KRTAP2-3: variants seen among roughly 807,000 people sequenced by gnomAD.
KRTAP2-3 encodes the protein keratin associated protein 2-3.
Under a neutral mutation model 11.2 loss-of-function variants are expected in KRTAP2-3, and 9 were observed. The observed-to-expected ratio is 0.80, with a 90% CI of 0.48 to 1.40. The LOEUF (loss-of-function observed/expected upper bound fraction) is 1.40. Ranked by LOEUF, KRTAP2-3 falls within the 40% of genes most tolerant of loss-of-function variation. The probability of loss-of-function intolerance (pLI) is 0.00; values close to 1 mark genes in which losing one functional copy is unlikely to be tolerated. For missense variants in KRTAP2-3, 93 were observed against 176.8 expected, an observed-to-expected ratio of 0.53 and a Z score of 2.69; for synonymous variants, 45 against 76.2, an observed-to-expected ratio of 0.59 and a Z score of 2.13.
rs1190233335 is a variant in KRTAP2-3 at position 41,059,604 on chromosome 17, G to A, written c.*60C>T. 1 of 1,536,386 alleles carries A rather than the reference G, an allele frequency of 6.5e-7. No homozygotes were observed. The highest frequency in any genetic ancestry group is 8.8e-7 in the Non-Finnish European group (1 of 1,138,074). ...CATCTGATCCAGAAGGGGTAGAAGA[G>A]TCTGCACAAGCTTCTGTGCACCTGG... On this transcript the variant is annotated 3_prime_UTR_variant, in exon 1 of 1. Coordinates refer to ENST00000391418, the MANE Select transcript of KRTAP2-3 (RefSeq NM_001165252.2).
At position 41,060,006 on chromosome 17, in the gene KRTAP2-3, G is replaced by A. The variant is rs1188150817; in HGVS notation, c.45C>T (p.Tyr15=). 4 of 1,532,410 alleles carry A rather than the reference G, an allele frequency of 2.6e-6. No homozygotes were observed. The East Asian group carries it at 7.3e-5, about 28-fold the overall frequency. 94.9% of individuals were successfully genotyped at this position (1,532,410 alleles called of 1,614,324 possible). A position where few individuals can be genotyped will look rare whatever the true frequency, so the allele number is the denominator to read the frequency against. ...AGCAGGGCTGGCAGCAGCCTCCCCCGTAGCTCAGGGAGGACAAGGTGGAGC... is the reference window on the plus strand; with the variant it reads ...AGCAGGGCTGGCAGCAGCCTCCCCCATAGCTCAGGGAGGACAAGGTGGAGC... ...CCGSTLSSLS[Y]GGGCCQPCCC... is the part of the protein sequence containing the mutation. Residue 15 remains tyrosine (Y), a synonymous_variant, in exon 1 of 1, where the codon TAC becomes TAT. Coordinates refer to ENST00000391418, the MANE Select transcript of KRTAP2-3 (RefSeq NM_001165252.2).
Position 41,059,661 on chromosome 17 carries a change from G to A in KRTAP2-3, c.*3C>T. On this transcript the variant is annotated 3_prime_UTR_variant, in exon 1 of 1. Transcript: ENST00000391418. Reference sequence around the variant, plus strand: ...TTCGTGCGTTGAGAGGAGAGGTGGGGTCTCAGCAGGAGGAGGTCCTGCAGG... The same window carrying A: ...TTCGTGCGTTGAGAGGAGAGGTGGGATCTCAGCAGGAGGAGGTCCTGCAGG... 2 of 1,553,642 alleles carry A rather than the reference G, an allele frequency of 1.3e-6. No individual in the cohort carries two copies. The highest frequency in any genetic ancestry group is 1.4e-5 in the African/African-American group (1 of 73,562).
rs1175369553 is a variant in KRTAP2-3, at chr17:41,059,743, G to A, written c.308C>T (p.Ser103Phe). 6.4e-7 allele frequency: 1 copy of A among 1,552,410 alleles called. No homozygotes were observed. The highest frequency in any genetic ancestry group is 8.7e-7 in the Non-Finnish European group (1 of 1,148,498). Reference protein sequence around the residue: ...CWATTCCQPVSVQSPCCRPPC... With the variant: ...CWATTCCQPVFVQSPCCRPPC... The stretch of plus-strand genomic sequence containing the variant: ...AGGCCGGCAGCAGGGGGACTGCACA[G>A]ACACAGGCTGGCAGCAGGTGGTGGC... The change falls in exon 1 of 1, where the codon TCT (serine) becomes TTT (phenylalanine). Residue 103 changes from serine to phenylalanine, a missense_variant. Transcript: ENST00000391418.
Position 41,059,992 on chromosome 17 carries a change from C to A in KRTAP2-3, c.59G>T (p.Cys20Phe). The A allele has an allele frequency of 6.5e-7, 1 of 1,531,538 alleles. No homozygotes were observed. The allele number at this position is 1,531,538 out of a possible 1,614,324, so 94.9% of individuals were successfully genotyped here. A position where few individuals can be genotyped will look rare whatever the true frequency, so the allele number is the denominator to read the frequency against. ...LSSLSYGGGC[C>F]QPCCCRDPCC... Reference sequence around the variant, plus strand: ...GGGGTCGCGGCAGCAGCAGGGCTGGCAGCAGCCTCCCCCGTAGCTCAGGGA... The same window carrying A: ...GGGGTCGCGGCAGCAGCAGGGCTGGAAGCAGCCTCCCCCGTAGCTCAGGGA... The change falls in exon 1 of 1, where the codon TGC becomes TTC. Residue 20 changes from cysteine to phenylalanine, a missense_variant. Physicochemically the swap from Cys to Phe is radical, Grantham distance 205. Transcript: ENST00000391418.
chr17:41,059,978 A>G lies in KRTAP2-3; in HGVS notation c.73T>C (p.Cys25Arg). Reference sequence around the variant, plus strand: ...GGGCGGCAGCAGCAGGGGTCGCGGCAGCAGCAGGGCTGGCAGCAGCCTCCC... The same window carrying G: ...GGGCGGCAGCAGCAGGGGTCGCGGCGGCAGCAGGGCTGGCAGCAGCCTCCC... ...YGGGCCQPCC[C>R]RDPCCCRPVT... Residue 25 changes from cysteine (C) to arginine (R), a missense_variant, in exon 1 of 1, where the codon TGC becomes CGC. Cys to Arg is a radical substitution (Grantham distance 180). Coordinates refer to ENST00000391418, the MANE Select transcript of KRTAP2-3 (RefSeq NM_001165252.2). 6.5e-7 allele frequency: 1 copy of G among 1,529,876 alleles called. No homozygotes were observed. The highest frequency in any genetic ancestry group is 8.7e-7 in the Non-Finnish European group (1 of 1,143,750). The allele number at this position is 1,529,876 out of a possible 1,614,324, so 94.8% of individuals were successfully genotyped here. A position where few individuals can be genotyped will look rare whatever the true frequency, so the allele number is the denominator to read the frequency against.
Position 41,059,836 on chromosome 17 carries a change from C to T in KRTAP2-3, c.215G>A (p.Gly72Asp). Residue 72 changes from glycine to aspartate, a missense_variant, in exon 1 of 1, where the codon GGC (glycine) becomes GAC (aspartate). By Grantham distance (94) the Gly-to-Asp change is moderately conservative. Transcript: ENST00000391418. ...VCCDPCSLQE[G>D]CCRPITCCPS... is the part of the protein sequence containing the mutation. ...GCAGCAGGTGATGGGGCGGCAGCAG[C>T]CTTCCTGCAGGGAGCAGGGGTCGCA... The T allele has an allele frequency of 6.5e-7, 1 of 1,531,968 alleles. No individual in the cohort carries two copies. 94.9% of individuals were successfully genotyped at this position (1,531,968 alleles called of 1,614,324 possible).
Position 41,059,684 on chromosome 17 carries a change from A to G in KRTAP2-3, c.367T>C (p.Cys123Arg). Residue 123 changes from cysteine (C) to arginine (R), a missense_variant, in exon 1 of 1, where the codon TGC (cysteine) becomes CGC (arginine). Cys to Arg is a radical substitution (Grantham distance 180). Coordinates refer to ENST00000391418, the MANE Select transcript of KRTAP2-3 (RefSeq NM_001165252.2). Reference sequence around the variant, plus strand: ...GGGTCTCAGCAGGAGGAGGTCCTGCAGGTGGTGCTGCAAGGGGTCGGCTGG... The same window carrying G: ...GGGTCTCAGCAGGAGGAGGTCCTGCGGGTGGTGCTGCAAGGGGTCGGCTGG... The part of the protein sequence containing the change: ...CGQPTPCSTT[C>R]RTSSC The G allele has an allele frequency of 6.4e-7, 1 of 1,557,192 alleles. No homozygotes were observed. The highest frequency in any genetic ancestry group is 8.7e-7 in the Non-Finnish European group (1 of 1,149,870).
At position 41,059,797 on chromosome 17, in the gene KRTAP2-3, G is replaced by A. The variant is rs2013146939; in HGVS notation, c.254C>T (p.Thr85Met). 4.5e-6 allele frequency: 7 copies of A among 1,542,332 alleles called. No homozygotes were observed. In the Admixed American group the frequency reaches 1.2e-4, roughly 26 times the overall value. The stretch of plus-strand genomic sequence containing the variant: ...GCAGCAGGGCCTGCACACCACAGCC[G>A]TGCACGACGAGGGGCAGCAGGTGAT... The part of the protein sequence containing the change: ...RPITCCPSSC[T>M]AVVCRPCCWA... Residue 85 changes from threonine to methionine, a missense_variant, in exon 1 of 1, where the codon ACG becomes ATG. By Grantham distance (81) the Thr-to-Met change is moderately conservative. Coordinates refer to ENST00000391418, the MANE Select transcript of KRTAP2-3 (RefSeq NM_001165252.2).
At position 41,059,539 on chromosome 17, in the gene KRTAP2-3, C is replaced by G. The variant is rs2013140899; in HGVS notation, c.*125G>C. 1.4e-6 allele frequency: 2 copies of G among 1,408,278 alleles called. No individual in the cohort carries two copies. The highest frequency in any genetic ancestry group is 9.5e-7 in the Non-Finnish European group (1 of 1,057,270). 87.2% of individuals were successfully genotyped at this position (1,408,278 alleles called of 1,614,324 possible). ...ATAGATAGGATGTTATTGTTGAATT[C>G]GTGCTTGAGGATCAGCTAGGCTGCA... On this transcript the variant is annotated 3_prime_UTR_variant, in exon 1 of 1. Transcript: ENST00000391418.
rs924844993 is a variant in KRTAP2-3 at position 41,059,509 on chromosome 17, G to A, written c.*155C>T. 1.6e-6 allele frequency: 2 copies of A among 1,271,132 alleles called. No homozygotes were observed. Among genetic ancestry groups the A allele is most frequent in the Non-Finnish European group, 2.1e-6 (2 of 946,352 alleles). The allele number at this position is 1,271,132 out of a possible 1,614,324, so 78.7% of individuals were successfully genotyped here. On this transcript the variant is annotated 3_prime_UTR_variant, in exon 1 of 1. Coordinates refer to ENST00000391418, the MANE Select transcript of KRTAP2-3 (RefSeq NM_001165252.2). ...CCAGGATTAGCTGCATAATTATGTG[G>A]GGAAATAGATAGGATGTTATTGTTG... is the stretch of plus-strand genomic sequence containing the variant.
chr17:41,059,289 C>T lies in KRTAP2-3; in HGVS notation c.*375G>A, dbSNP rs562665904. On this transcript the variant is annotated 3_prime_UTR_variant, in exon 1 of 1. Coordinates refer to ENST00000391418, the MANE Select transcript of KRTAP2-3 (RefSeq NM_001165252.2). ...TATTTTTTTTTACAGTGCAAAAATA[C>T]AGCATACAAATAGTATTATCCTGGA... 1.6e-5 allele frequency: 4 copies of T among 249,620 alleles called. No individual in the cohort carries two copies. The South Asian group carries it at 6.3e-4, about 39-fold the overall frequency. 15.5% of individuals were successfully genotyped at this position (249,620 alleles called of 1,614,324 possible).
chr17:41,059,497 C>T lies in KRTAP2-3; in HGVS notation c.*167G>A. ...TGTCAGAGAGGGCCAGGATTAGCTG[C>T]ATAATTATGTGGGGAAATAGATAGG... On this transcript the variant is annotated 3_prime_UTR_variant, in exon 1 of 1. Coordinates refer to ENST00000391418, the MANE Select transcript of KRTAP2-3 (RefSeq NM_001165252.2). 1 of 1,206,794 alleles carries T rather than the reference C, an allele frequency of 8.3e-7. No individual in the cohort carries two copies. The highest frequency in any genetic ancestry group is 1.8e-5 in the South Asian group (1 of 56,880). 74.8% of individuals were successfully genotyped at this position (1,206,794 alleles called of 1,614,324 possible).
In KRTAP2-3 at chr17:41,059,454, T is replaced by G; in HGVS notation, c.*210A>C. The G allele has an allele frequency of 1.1e-6, 1 of 888,200 alleles. No homozygotes were observed. Among genetic ancestry groups the G allele is most frequent in the East Asian group, 2.9e-5 (1 of 34,562 alleles). The allele number at this position is 888,200 out of a possible 1,614,324, so 55.0% of individuals were successfully genotyped here. The stretch of plus-strand genomic sequence containing the variant: ...AGCCAGGAATTCGAATGATGAAAGC[T>G]GGAATTTTTCTCAAGATTGTCAGAG... On this transcript the variant is annotated 3_prime_UTR_variant, in exon 1 of 1. Transcript: ENST00000391418.
chr17:41,059,901 G>A lies in KRTAP2-3; in HGVS notation c.150C>T (p.Cys50=), dbSNP rs2013150452. 1 of 1,506,612 alleles carries A rather than the reference G, an allele frequency of 6.6e-7. No individual in the cohort carries two copies. The highest frequency in any genetic ancestry group is 2.0e-5 in the Admixed American group (1 of 49,384). 93.3% of individuals were successfully genotyped at this position (1,506,612 alleles called of 1,614,324 possible). Residue 50 remains cysteine (C), a synonymous_variant, in exon 1 of 1, where the codon TGC becomes TGT. Transcript: ENST00000391418. Reference sequence around the variant, plus strand: ...GGCAGGGCTCGCAGATGGGGCGCGTGCAGCGGGGCACGCAGGTCACGGGGC... The same window carrying A: ...GGCAGGGCTCGCAGATGGGGCGCGTACAGCGGGGCACGCAGGTCACGGGGC... The part of the protein sequence containing the change: ...VCRPVTCVPR[C]TRPICEPCRR...
rs1272587562 is a variant in KRTAP2-3, at chr17:41,059,869, G to A, written c.182C>T (p.Pro61Leu). 7 of 1,517,772 alleles carry A rather than the reference G, an allele frequency of 4.6e-6. No homozygotes were observed. The highest frequency in any genetic ancestry group is 2.5e-5 in the East Asian group (1 of 40,560). The allele number at this position is 1,517,772 out of a possible 1,614,324, so 94.0% of individuals were successfully genotyped here. The stretch of plus-strand genomic sequence containing the variant: ...CAGGGAGCAGGGGTCGCAGCACACC[G>A]GGCGGCGGCAGGGCTCGCAGATGGG... ...TRPICEPCRRPVCCDPCSLQE... is the reference protein window; with the variant it reads ...TRPICEPCRRLVCCDPCSLQE... The change falls in exon 1 of 1, where the codon CCG becomes CTG. Residue 61 changes from proline to leucine, a missense_variant. Pro to Leu is a moderately conservative substitution (Grantham distance 98). Transcript: ENST00000391418.
rs951628832 is a variant in KRTAP2-3 at position 41,059,279 on chromosome 17, T to G, written c.*385A>C. 2 of 227,994 alleles carry G rather than the reference T, an allele frequency of 8.8e-6. No individual in the cohort carries two copies. The highest frequency in any genetic ancestry group is 1.7e-5 in the Non-Finnish European group (2 of 119,152). The allele number at this position is 227,994 out of a possible 1,614,324, so 14.1% of individuals were successfully genotyped here. On this transcript the variant is annotated 3_prime_UTR_variant, in exon 1 of 1. Transcript: ENST00000391418. ...AATATAATTTTATTTTTTTTTACAG[T>G]GCAAAAATACAGCATACAAATAGTA... is the stretch of plus-strand genomic sequence containing the variant.
At position 41,060,005 on chromosome 17, in the gene KRTAP2-3, C is replaced by A; in HGVS notation, c.46G>T (p.Gly16Trp). ...CGSTLSSLSY[G>W]GGCCQPCCCR... ...CAGCAGGGCTGGCAGCAGCCTCCCC[C>A]GTAGCTCAGGGAGGACAAGGTGGAG... Residue 16 changes from glycine (G) to tryptophan (W), a missense_variant, in exon 1 of 1, where the codon GGG (glycine) becomes TGG (tryptophan). Gly to Trp is a radical substitution (Grantham distance 184). Transcript: ENST00000391418. 2 of 1,532,610 alleles carry A rather than the reference C, an allele frequency of 1.3e-6. No homozygotes were observed. The highest frequency in any genetic ancestry group is 2.3e-4 in the Middle Eastern group (1 of 4,334). The allele number at this position is 1,532,610 out of a possible 1,614,324, so 94.9% of individuals were successfully genotyped here. A position where few individuals can be genotyped will look rare whatever the true frequency, so the allele number is the denominator to read the frequency against.
Position 41,059,948 on chromosome 17 carries a change from T to C in KRTAP2-3, c.103A>G (p.Thr35Ala). ...CRDPCCCRPV[T>A]CQTTVCRPVT... The stretch of plus-strand genomic sequence containing the variant: ...GGGCGGCACACGGTGGTCTGGCAGG[T>C]CACGGGGCGGCAGCAGCAGGGGTCG... The change falls in exon 1 of 1, where the codon ACC (threonine) becomes GCC (alanine). Residue 35 changes from threonine (T) to alanine (A), a missense_variant. Transcript: ENST00000391418. The C allele has an allele frequency of 6.6e-7, 1 of 1,519,616 alleles. No homozygotes were observed. Among genetic ancestry groups the C allele is most frequent in the East Asian group, 2.5e-5 (1 of 40,778 alleles). The allele number at this position is 1,519,616 out of a possible 1,614,324, so 94.1% of individuals were successfully genotyped here.
At position 41,059,628 on chromosome 17, in the gene KRTAP2-3, G is replaced by T. The variant is rs1355877830; in HGVS notation, c.*36C>A. ...AGTCTGCACAAGCTTCTGTGCACCT[G>T]GGAATGTTTCGTGCGTTGAGAGGAG... On this transcript the variant is annotated 3_prime_UTR_variant, in exon 1 of 1. Transcript: ENST00000391418. 1.9e-6 allele frequency: 3 copies of T among 1,547,806 alleles called. No individual in the cohort carries two copies.
Sources: gnomAD v4.1 joint callset for allele counts on GRCh38, gnomAD v4.1.1 for gene constraint, MANE v1.5 for transcripts, NCBI Gene and HGNC (gene_info 2026-07-23, HGNC 2026-07-21) for gene names.